The following FAM78B variants were observed in gnomAD, a reference collection of about 807,000 sequenced individuals.
FAM78B encodes the protein family with sequence similarity 78 member B, also known as protein FAM78B.
FAM78B carries 10 observed loss-of-function variants against 20.0 expected under a neutral mutation model. The observed-to-expected ratio is 0.50, with a 90% CI of 0.31 to 0.85. The LOEUF (loss-of-function observed/expected upper bound fraction) is 0.85, where lower values mean the gene tolerates loss of function less well. Among genes scored for constraint, FAM78B ranks in the 40% least tolerant of loss-of-function variants. The probability of loss-of-function intolerance (pLI) is 0.05; values close to 1 mark genes in which losing one functional copy is unlikely to be tolerated. For synonymous variants in FAM78B, 135 were observed against 132.8 expected, an observed-to-expected ratio of 1.02 and a Z score of -0.12; for missense variants, 283 against 345.0, an observed-to-expected ratio of 0.82 and a Z score of 1.42.
chr1:166,136,657 A>C (rs1301940936), intron 1 of FAM78B, among the ~76,000 whole-genome samples: 1 of 152,162 alleles, frequency 6.6e-6, no homozygotes, highest in Non-Finnish European at 1.5e-5. Flanking sequence ...CAAAAAGAAA[A>C]AGCAATGAAC....
chr1:166,128,260 C>A (rs1047296478), intron 1 of FAM78B, among the ~76,000 whole-genome samples: 2 of 152,118 alleles, frequency 1.3e-5, no homozygotes, highest in African/African-American at 2.4e-5. Flanking sequence ...ACATTTATTT[C>A]ATTCCTCCTT....
At chr1:166,093,287 G>A (rs1005347783) in intron 1 of FAM78B, among the ~76,000 whole-genome samples, 1 of 152,164 alleles carries the variant, frequency 6.6e-6, no homozygotes, top group Non-Finnish European at 1.5e-5. Context: ...GCCAAGTCAT[G>A]TCTACATTCC....
At chr1:166,066,787 G>A (rs1651810537), downstream of FAM78B, among the ~76,000 whole-genome samples, 1 of 152,164 alleles carries the variant, frequency 6.6e-6, no homozygotes. Flanking sequence ...CAGGAAACAG[G>A]GAGTTGTAAA....
chr1:166,071,034 C>T (rs895718834), intron 1 of FAM78B, among the ~76,000 whole-genome samples: 1 of 152,080 alleles, frequency 6.6e-6, no homozygotes, highest in Non-Finnish European at 1.5e-5. Flanking sequence ...AGTTGTGAGA[C>T]CACAAAGAGA....
chr1:166,077,127 G>A (rs1652305797), intron 1 of FAM78B, among the ~76,000 whole-genome samples: 1 of 152,146 alleles, frequency 6.6e-6, no homozygotes, highest in Non-Finnish European at 1.5e-5. Context: ...GTAAAGATAT[G>A]CTGGTGGAAG....
intron 1 of FAM78B, among the ~76,000 whole-genome samples, chr1:166,120,932 A>C (rs1654444306): frequency 6.6e-6 from 1 of 152,232 alleles, no homozygotes; most frequent in African/African-American, 2.4e-5. Flanking sequence ...CAAAGTGGAG[A>C]AGTGTGAACA....
At position 166,122,033 on chromosome 1, in the gene FAM78B, C is replaced by G. The variant is rs76588728; in HGVS notation, c.263+43953G>C. 4.1e-3 allele frequency among the ~76,000 whole-genome samples: 617 copies of G among 152,324 alleles called. 3 individuals carry two copies. The highest frequency in any genetic ancestry group is 0.024 in the Middle Eastern group (7 of 294). The stretch of plus-strand genomic sequence containing the variant: ...TTGGGACAACTCTTCATCACATCAC[C>G]ACACCTCTGACTGCTTTTCGGAATC... On this transcript the variant is annotated intron_variant, in intron 1 of 1. Coordinates refer to ENST00000354422, the MANE Select transcript of FAM78B (RefSeq NM_001017961.5).
intron 1 of FAM78B, among the ~76,000 whole-genome samples, chr1:166,162,095 G>T (rs1177632271): frequency 6.6e-6 from 1 of 152,188 alleles, no homozygotes; most frequent in African/African-American, 2.4e-5. Flanking sequence ...ACACAGAGAA[G>T]CCCGTCTACA....
chr1:166,148,272 T>C (rs1181872474), intron 1 of FAM78B, among the ~76,000 whole-genome samples: 2 of 152,234 alleles, frequency 1.3e-5, no homozygotes, highest in Non-Finnish European at 2.9e-5. Context: ...GCAATAGTTT[T>C]GCCATGGTAT....
chr1:166,163,144 TGAGA>T (rs144111625), intron 1 of FAM78B, among the ~76,000 whole-genome samples: 1 of 152,318 alleles, frequency 6.6e-6, no homozygotes, highest in South Asian at 2.1e-4. Context: ...ACAGGTTGAT[TGAGA>T]GAGTCAGGAG....
intron 1 of FAM78B, among the ~76,000 whole-genome samples, chr1:166,110,272 TA>T (rs915198865): frequency 1.3e-5 from 2 of 151,294 alleles, no homozygotes; most frequent in African/African-American, 2.4e-5. Flanking sequence ...AAAAAAATAT[TA>T]AAAAAAAGAA....
At chr1:166,155,703 A>G (rs918943200) in intron 1 of FAM78B, among the ~76,000 whole-genome samples, 12 of 152,188 alleles carry the variant, frequency 7.9e-5, no homozygotes, top group Non-Finnish European at 1.5e-4. Context: ...TCATTAAGTG[A>G]TAACAAAAAA....
At chr1:166,133,437 T>C (rs962493103) in intron 1 of FAM78B, among the ~76,000 whole-genome samples, 1 of 152,226 alleles carries the variant, frequency 6.6e-6, no homozygotes, top group Admixed American at 6.5e-5. Flanking sequence ...GCAATTTGCA[T>C]ATTCTGCCAG....
At chr1:166,058,794 C>G (rs569886952) in exon 3 of FAM78B, 1 of 152,606 alleles carries the variant, frequency 6.6e-6, no homozygotes, top group African/African-American at 2.4e-5. Flanking sequence ...TCATACCCAG[C>G]AGTGGAGATC....
chr1:166,109,890 G>GTATATATGTGTATATATATATATA (rs1557903394), intron 1 of FAM78B, among the ~76,000 whole-genome samples: 2 of 23,198 alleles, frequency 8.6e-5, no homozygotes, highest in Non-Finnish European at 1.1e-4. Flanking sequence ...ATGTATATAT[G>GTATATATGTGTATATATATATATA]TATATATATA....
intron 1 of FAM78B, among the ~76,000 whole-genome samples, chr1:166,151,892 G>A (rs1255660690): frequency 6.6e-6 from 1 of 152,162 alleles, no homozygotes; most frequent in African/African-American, 2.4e-5. Context: ...GAAGGAATGA[G>A]CCCATTAGCA....
intron 1 of FAM78B, among the ~76,000 whole-genome samples, chr1:166,139,980 A>G (rs1357293295): frequency 6.6e-6 from 1 of 152,208 alleles, no homozygotes; most frequent in Non-Finnish European, 1.5e-5. Flanking sequence ...GAAGGATGTG[A>G]CAAAGGCCAC....
intron 1 of FAM78B, among the ~76,000 whole-genome samples, chr1:166,101,165 G>C (rs1487879057): frequency 2.0e-5 from 3 of 152,104 alleles, no homozygotes; most frequent in African/African-American, 7.2e-5. Context: ...CAAACAGAAA[G>C]GACATCCACA....
At chr1:166,159,608 A>G (rs1376580731) in intron 1 of FAM78B, among the ~76,000 whole-genome samples, 1 of 152,046 alleles carries the variant, frequency 6.6e-6, no homozygotes, top group Non-Finnish European at 1.5e-5. Flanking sequence ...TGCCTGTGGA[A>G]GGTCACTGAT....
Sources: allele counts gnomAD v4.1 joint callset (sites outside exome capture counted in the v4.1 genomes callset), GRCh38; gene constraint gnomAD v4.1.1; transcripts MANE v1.5; gene names NCBI Gene and HGNC (gene_info 2026-07-23, HGNC 2026-07-21).